Variants in HTR3B observed in about 807,000 individuals in gnomAD.
The protein encoded by HTR3B is 5-hydroxytryptamine (serotonin) receptor 3B, ionotropic.
HTR3B carries 44 observed loss-of-function variants against 42.8 expected under a neutral mutation model. That is an observed-to-expected ratio of 1.03 (90% CI 0.81 to 1.32). The LOEUF is 1.32. HTR3B is among the 40% of genes most tolerant of loss of function. The pLI is 0.00. For missense variants in HTR3B, 527 were observed against 536.5 expected (o/e 0.98, Z 0.17); for synonymous variants, 203 against 209.0 (o/e 0.97, Z 0.25).
At chr11:113,942,032 C>T (rs1206470772) in intron 6 of HTR3B, among the ~76,000 whole-genome samples, 3 of 152,076 alleles carry the variant, frequency 2.0e-5, no homozygotes, top group African/African-American at 7.3e-5. Context: ...CACACAGGTG[C>T]TAAGGAGTTC....
intron 6 of HTR3B, among the ~76,000 whole-genome samples, chr11:113,937,883 C>A (rs1268895913): frequency 6.6e-6 from 1 of 152,218 alleles, no homozygotes; most frequent in Non-Finnish European, 1.5e-5. Flanking sequence ...CATTTTCTTG[C>A]AGTTATGTAG....
chr11:113,933,722 A>G (rs933474133), intron 6 of HTR3B, among the ~76,000 whole-genome samples: 16 of 152,098 alleles, frequency 1.1e-4, no homozygotes, highest in African/African-American at 3.9e-4. Context: ...AAACTAGGGG[A>G]TGGTGGGGTA....
At chr11:113,931,630 C>T in intron 3 of HTR3B, 128 bp from the exon 4 acceptor site, 1 of 688,200 alleles carries the variant, frequency 1.5e-6, no homozygotes. Context: ...GATGGGAAGT[C>T]CTTTCTCCTA....
intron 8 of HTR3B, among the ~76,000 whole-genome samples, chr11:113,945,693 A>T (rs776107618): frequency 3.3e-5 from 5 of 152,298 alleles, no homozygotes; most frequent in African/African-American, 1.2e-4. Context: ...TGCTTACATA[A>T]TAACAGCTCT....
At chr11:113,919,110 A>G (rs1417459781) in intron 2 of HTR3B, among the ~76,000 whole-genome samples, 1 of 152,164 alleles carries the variant, frequency 6.6e-6, no homozygotes, top group African/African-American at 2.4e-5. Context: ...AAAATATTTT[A>G]AATATTGGAT....
intron 2 of HTR3B, among the ~76,000 whole-genome samples, chr11:113,922,206 C>A (rs140004409): frequency 7.9e-4 from 120 of 151,976 alleles, no homozygotes; most frequent in African/African-American, 2.7e-3. Flanking sequence ...TGTGGATTTT[C>A]TTTTCCTTTC....
intron 6 of HTR3B, among the ~76,000 whole-genome samples, chr11:113,933,484 AT>A (rs201659847): frequency 0.029 from 4,361 of 149,054 alleles, 95 homozygotes; most frequent in Middle Eastern, 0.046. Flanking sequence ...TTATTGTCCT[AT>A]TTTTTTTTTA....
intron 5 of HTR3B, 103 bp from the exon 6 acceptor site, chr11:113,932,833 G>A: frequency 8.6e-7 from 1 of 1,163,250 alleles, no homozygotes; most frequent in Non-Finnish European, 1.2e-6. Context: ...TGTGCCTATG[G>A]GGGCAGGAGA....
rs1949907908 is a variant in HTR3B at position 113,921,164 on chromosome 11, T to G, written c.214-10220T>G. ...TTATTTTTATTTTTTATTTTTTTTTTGAGTCAGAGTCTCACTCTGTCACCA... is the reference window on the plus strand; with the variant it reads ...TTATTTTTATTTTTTATTTTTTTTTGGAGTCAGAGTCTCACTCTGTCACCA... On this transcript the variant is annotated intron_variant, in intron 2 of 8. Coordinates refer to ENST00000260191, the MANE Select transcript of HTR3B (RefSeq NM_006028.5). Among the ~76,000 whole-genome samples, 5 of 147,542 alleles carry G rather than the reference T, an allele frequency of 3.4e-5. No homozygotes were observed. The South Asian group carries it at 1.1e-3, about 33-fold the overall frequency.
chr11:113,925,355 T>A (rs561670261), intron 2 of HTR3B, among the ~76,000 whole-genome samples: 191 of 152,138 alleles, frequency 1.3e-3, no homozygotes, highest in African/African-American at 4.3e-3. Context: ...GAAATACGAA[T>A]GTTACCTAAG....
chr11:113,922,705 G>T (rs572270407), intron 2 of HTR3B, among the ~76,000 whole-genome samples: 1 of 151,980 alleles, frequency 6.6e-6, no homozygotes, highest in Non-Finnish European at 1.5e-5. Context: ...ACAGGCGCCC[G>T]CCACTACGCC....
intron 6 of HTR3B, among the ~76,000 whole-genome samples, chr11:113,939,665 G>A (rs576438019): frequency 6.6e-6 from 1 of 152,318 alleles, no homozygotes; most frequent in South Asian, 2.1e-4. Context: ...TCTGGGTGGA[G>A]AGGTGTCATC....
intron 2 of HTR3B, among the ~76,000 whole-genome samples, chr11:113,919,081 A>C (rs533487567): frequency 2.6e-5 from 4 of 152,264 alleles, no homozygotes; most frequent in African/African-American, 9.6e-5. Flanking sequence ...CGGAATTTTT[A>C]AATTTTTAAT....
chr11:113,931,251 C>A, intron 2 of HTR3B, 133 bp from the exon 3 acceptor site: 1 of 684,542 alleles, frequency 1.5e-6, no homozygotes, highest in South Asian at 1.7e-5. Flanking sequence ...ATTGAAGAGT[C>A]TAGGTAATGT....
At chr11:113,927,589 G>A (rs1380910417) in intron 2 of HTR3B, among the ~76,000 whole-genome samples, 1 of 150,676 alleles carries the variant, frequency 6.6e-6, no homozygotes, top group East Asian at 1.9e-4. Context: ...TTGAGACAGA[G>A]TCTCGCTTTG....
intron 2 of HTR3B, among the ~76,000 whole-genome samples, chr11:113,919,471 T>C (rs1278320328): frequency 6.6e-6 from 1 of 152,212 alleles, no homozygotes; most frequent in Non-Finnish European, 1.5e-5. Flanking sequence ...ATCAGAGTCT[T>C]TGATTTTTTG....
intron 6 of HTR3B, among the ~76,000 whole-genome samples, chr11:113,940,806 T>C (rs934340480): frequency 6.6e-6 from 1 of 152,176 alleles, no homozygotes; most frequent in Non-Finnish European, 1.5e-5. Flanking sequence ...ATCACTGGCC[T>C]TTGCACTTCA....
intron 6 of HTR3B, among the ~76,000 whole-genome samples, chr11:113,940,444 C>T (rs1317330138): frequency 6.6e-6 from 1 of 152,224 alleles, no homozygotes; most frequent in East Asian, 1.9e-4. Context: ...CCTGCCCCCA[C>T]CTAACCACAG....
At chr11:113,929,348 T>C (rs1189822703) in intron 2 of HTR3B, among the ~76,000 whole-genome samples, 1 of 152,096 alleles carries the variant, frequency 6.6e-6, no homozygotes, top group Non-Finnish European at 1.5e-5. Flanking sequence ...AATTTATTTC[T>C]CACAATTCTG....
Sources: allele counts gnomAD v4.1 joint callset (sites outside exome capture counted in the v4.1 genomes callset), GRCh38; gene constraint gnomAD v4.1.1; transcripts MANE v1.5; gene names NCBI Gene and HGNC (gene_info 2026-07-23, HGNC 2026-07-21).